The following PARD3B variants were observed in gnomAD, a reference collection of about 807,000 sequenced individuals.
PARD3B encodes the protein partitioning defective 3 homolog B.
Under a neutral mutation model 130.2 loss-of-function variants are expected in PARD3B, and 103 were observed. The ratio of observed to expected loss-of-function variants is 0.79; its 90% CI spans 0.67 to 0.93. PARD3B has a LOEUF of 0.93. Ranked by LOEUF, PARD3B falls within the 40% of genes least tolerant of loss-of-function variation. The pLI, the probability that PARD3B is intolerant of heterozygous loss-of-function variation, is 0.00. For synonymous variants in PARD3B, 583 were observed against 553.2 expected, an observed-to-expected ratio of 1.05 and a Z score of -0.76; for missense variants, 1,609 against 1,499.2, an observed-to-expected ratio of 1.07 and a Z score of -1.21.
At chr2:204,616,891 A>G (rs1478829890) in intron 1 of PARD3B, among the ~76,000 whole-genome samples, 2 of 152,194 alleles carry the variant, frequency 1.3e-5, no homozygotes, top group Admixed American at 6.6e-5. Context: ...CTAACATTAC[A>G]TTAGATTTGG....
intron 1 of PARD3B, among the ~76,000 whole-genome samples, chr2:204,556,784 T>C (rs1161820437): frequency 1.3e-5 from 2 of 152,196 alleles, no homozygotes; most frequent in African/African-American, 4.8e-5. Flanking sequence ...AAACTTAAAA[T>C]GGAGCATTTT....
At position 205,589,810 on chromosome 2, in the gene PARD3B, C is replaced by A. The variant is rs2106593963; in HGVS notation, c.3261-25646C>A. The stretch of plus-strand genomic sequence containing the variant: ...GAGCCTAAAGGAAGTTTGTCAGGAA[C>A]CAAAAATCTATCAGACACCCTCCTA... On this transcript the variant is annotated intron_variant, in intron 22 of 22. Coordinates refer to ENST00000406610, the MANE Select transcript of PARD3B (RefSeq NM_001302769.2). This position sits in a 1 kb window ranked among gnomAD's most constrained non-coding sequence, Gnocchi z 4.1. Among the ~76,000 whole-genome samples, 1 of 152,174 alleles carries A rather than the reference C, an allele frequency of 6.6e-6. No individual in the cohort carries two copies. Among genetic ancestry groups the A allele is most frequent in the East Asian group, 1.9e-4 (1 of 5,166 alleles).
intron 4 of PARD3B, among the ~76,000 whole-genome samples, chr2:205,066,723 G>A (rs1190348289): frequency 1.9e-4 from 29 of 152,032 alleles, no homozygotes; most frequent in Non-Finnish European, 1.5e-4. Flanking sequence ...TTTGTAATGA[G>A]GAAACATGTT....
rs191170297 is a variant in PARD3B at position 204,617,313 on chromosome 2, C to T, written c.121-68868C>T. On this transcript the variant is annotated intron_variant, in intron 1 of 22. Transcript: ENST00000406610. Reference sequence around the variant, plus strand: ...CCTTTAGCCTGTGACTGTAGATGAACTTAAATCACAGAAGTGACTATGACC... The same window carrying T: ...CCTTTAGCCTGTGACTGTAGATGAATTTAAATCACAGAAGTGACTATGACC... Among the ~76,000 whole-genome samples, 16 of 152,304 alleles carry T rather than the reference C, an allele frequency of 1.1e-4. No individual in the cohort carries two copies. In the East Asian group the frequency reaches 2.9e-3, roughly 28 times the overall value.
intron 3 of PARD3B, among the ~76,000 whole-genome samples, chr2:205,014,060 T>C (rs1254735330): frequency 1.3e-5 from 2 of 152,214 alleles, no homozygotes; most frequent in Non-Finnish European, 2.9e-5. Context: ...CCAGCTTTAC[T>C]CCTGGAATTT....
chr2:205,439,761 G>A (rs1274373849), intron 19 of PARD3B, among the ~76,000 whole-genome samples: 1 of 152,056 alleles, frequency 6.6e-6, no homozygotes, highest in East Asian at 1.9e-4. Flanking sequence ...TCTGTCCCTA[G>A]CGCCTATATA....
intron 2 of PARD3B, among the ~76,000 whole-genome samples, chr2:204,733,195 A>G (rs537418579): frequency 1.2e-4 from 19 of 152,328 alleles, no homozygotes; most frequent in African/African-American, 4.6e-4. Context: ...ATTGCAATAT[A>G]TTGAATAAAT....
intron 3 of PARD3B, among the ~76,000 whole-genome samples, chr2:205,007,196 C>T (rs1695335503): frequency 6.6e-6 from 1 of 152,146 alleles, no homozygotes; most frequent in African/African-American, 2.4e-5. Context: ...GAAGAAAGTG[C>T]CTGCTTCCCC....
chr2:205,399,031 G>A lies in PARD3B; in HGVS notation c.2631-1982G>A, dbSNP rs185571754. On this transcript the variant is annotated intron_variant, in intron 18 of 22. Transcript: ENST00000406610. ...CGCCTGTAATCCCAGCACTTTGGGA[G>A]GCTAAGGAGGGCAGATCAGCTGAGT... 8.0e-4 allele frequency among the ~76,000 whole-genome samples: 122 copies of A among 152,260 alleles called. 1 individual carries two copies. The highest frequency in any genetic ancestry group is 2.8e-3 in the African/African-American group (115 of 41,556).
At chr2:204,722,295 T>G (rs1208902381) in intron 2 of PARD3B, among the ~76,000 whole-genome samples, 1 of 152,218 alleles carries the variant, frequency 6.6e-6, no homozygotes, top group Non-Finnish European at 1.5e-5. Context: ...AGAATTTGTT[T>G]TGACTTTCTA....
chr2:205,180,086 A>C (rs938125070), intron 13 of PARD3B, among the ~76,000 whole-genome samples: 4 of 152,076 alleles, frequency 2.6e-5, no homozygotes, highest in African/African-American at 9.6e-5. Context: ...TAAATTAACT[A>C]TCTACAAGTT....
At chr2:205,353,083 G>GTCTT (rs2044052135) in intron 18 of PARD3B, among the ~76,000 whole-genome samples, 1 of 152,172 alleles carries the variant, frequency 6.6e-6, no homozygotes, top group Admixed American at 6.5e-5. Flanking sequence ...ATCTACAGAT[G>GTCTT]TCTTTAACTC....
intron 1 of PARD3B, among the ~76,000 whole-genome samples, chr2:204,660,944 C>T (rs1027732764): frequency 6.6e-6 from 1 of 152,040 alleles, no homozygotes; most frequent in African/African-American, 2.4e-5. Flanking sequence ...TGAGTTTAAA[C>T]CCAAATTTTC....
chr2:205,154,887 C>T (rs2034010870), intron 10 of PARD3B, among the ~76,000 whole-genome samples: 1 of 151,970 alleles, frequency 6.6e-6, no homozygotes, highest in Non-Finnish European at 1.5e-5. Context: ...CACACCCAGG[C>T]CTGTTGTGGG....
chr2:204,738,765 A>C (rs1211873824), intron 2 of PARD3B, among the ~76,000 whole-genome samples: 2 of 152,068 alleles, frequency 1.3e-5, no homozygotes, highest in Non-Finnish European at 2.9e-5. Context: ...TCTCTCTTGC[A>C]TTTCCCTTTC....
intron 3 of PARD3B, among the ~76,000 whole-genome samples, chr2:204,997,319 G>A (rs947179181): frequency 3.3e-5 from 5 of 152,168 alleles, no homozygotes; most frequent in Non-Finnish European, 5.9e-5. Context: ...AATTGAATTT[G>A]TAGATTAGTT....
intron 21 of PARD3B, 52 bp downstream of exon 21, chr2:205,500,083 T>G (rs1313504212): frequency 1.3e-6 from 2 of 1,591,050 alleles, no homozygotes; most frequent in African/African-American, 2.7e-5. Context: ...TAAGAATGTT[T>G]AGAGCAGAAG....
At chr2:204,614,048 A>AT (rs895400763) in intron 1 of PARD3B, among the ~76,000 whole-genome samples, 37 of 148,504 alleles carry the variant, frequency 2.5e-4, no homozygotes, top group African/African-American at 6.2e-4. Context: ...ATAGGTTTGG[A>AT]TTTTTTTTTT....
chr2:204,953,077 G>A (rs1284354292), intron 2 of PARD3B, among the ~76,000 whole-genome samples: 1 of 128,308 alleles, frequency 7.8e-6, no homozygotes, highest in African/African-American at 2.9e-5. Flanking sequence ...GAGAGAGAGG[G>A]AGAGAGAGAG....
Sources: allele counts gnomAD v4.1 joint callset (sites outside exome capture counted in the v4.1 genomes callset), GRCh38; gene constraint gnomAD v4.1.1; non-coding constraint Gnocchi (gnomAD v3.1); transcripts MANE v1.5; gene names NCBI Gene and HGNC (gene_info 2026-07-23, HGNC 2026-07-21).